Variants in GRM4 observed in about 807,000 individuals in gnomAD.
GRM4 encodes glutamate metabotropic receptor 4, also known as metabotropic glutamate receptor 4.
A neutral mutation model predicts 81.7 loss-of-function variants in GRM4; 28 were observed. The observed-to-expected ratio is 0.34, with a 90% CI of 0.25 to 0.47. GRM4 has a LOEUF of 0.47. GRM4 is among the 20% of genes least tolerant of loss of function. The probability of loss-of-function intolerance (pLI) is 1.00; values close to 1 mark genes in which losing one functional copy is unlikely to be tolerated. For missense variants in GRM4, 948 were observed against 1,290.0 expected (o/e 0.73, Z 4.06); for synonymous variants, 488 against 528.8 (o/e 0.92, Z 1.06).
chr6:34,049,031 GCAAA>G (rs1484092548), intron 6 of GRM4, among the ~76,000 whole-genome samples: 6 of 152,058 alleles, frequency 3.9e-5, no homozygotes, highest in African/African-American at 1.4e-4. Context: ...TCCGATTTAA[GCAAA>G]CAAACAAATC....
intron 9 of GRM4, among the ~76,000 whole-genome samples, chr6:34,033,295 C>G (rs3778052): frequency 2.0e-5 from 3 of 152,184 alleles, no homozygotes; most frequent in Admixed American, 1.3e-4. Context: ...CCCCACAGGG[C>G]CCCCATTGGA....
Position 34,114,624 on chromosome 6 carries a change from A to G in GRM4, c.519+18354T>C, listed in dbSNP as rs1343072399. Among the ~76,000 whole-genome samples the G allele has an allele frequency of 1.3e-5, 2 of 151,800 alleles. No homozygotes were observed. Among genetic ancestry groups the G allele is most frequent in the Admixed American group, 6.6e-5 (1 of 15,236 alleles). Reference sequence around the variant, plus strand: ...CCTGCATGCCACATCCCTGTCACAGACAAGCCCAAGGTCCCACCGGTGCCC... The same window carrying G: ...CCTGCATGCCACATCCCTGTCACAGGCAAGCCCAAGGTCCCACCGGTGCCC... On this transcript the variant is annotated intron_variant, in intron 2 of 10. Transcript: ENST00000538487. The surrounding 1 kb of genome is among the most constrained non-coding windows in gnomAD (Gnocchi z 4.3).
At chr6:34,142,830 G>A (rs1412987732) in intron 1 of GRM4, among the ~76,000 whole-genome samples, 1 of 152,230 alleles carries the variant, frequency 6.6e-6, no homozygotes, top group African/African-American at 2.4e-5. Context: ...GAGGAGGGGG[G>A]GAGGAGGAGC....
intron 1 of GRM4, among the ~76,000 whole-genome samples, chr6:34,140,280 G>A (rs62398122): frequency 0.024 from 3,702 of 152,222 alleles, 52 homozygotes; most frequent in African/African-American, 0.041. Flanking sequence ...CTTGATGTTC[G>A]AGAATGAGCA....
chr6:34,117,757 G>A (rs551033309), intron 2 of GRM4, among the ~76,000 whole-genome samples: 49 of 152,142 alleles, frequency 3.2e-4, no homozygotes, highest in African/African-American at 1.1e-3. Flanking sequence ...CATGATAACC[G>A]CTCCAATTAG....
chr6:34,069,761 T>C lies in GRM4; in HGVS notation c.737-7733A>G, dbSNP rs1766705026. Among the ~76,000 whole-genome samples, 2 of 151,624 alleles carry C rather than the reference T, an allele frequency of 1.3e-5. No homozygotes were observed. The highest frequency in any genetic ancestry group is 4.2e-4 in the South Asian group (2 of 4,794). On this transcript the variant is annotated intron_variant, in intron 3 of 10. Coordinates refer to ENST00000538487, the MANE Select transcript of GRM4 (RefSeq NM_000841.4). This position sits in a 1 kb window ranked among gnomAD's most constrained non-coding sequence, Gnocchi z 6.4. The stretch of plus-strand genomic sequence containing the variant: ...CAGTGAATTTGGATTTACTGCAACA[T>C]CCAGGACTGCCCCAGTCCCCACCAG...
chr6:34,037,776 T>C (rs913385778), intron 8 of GRM4, among the ~76,000 whole-genome samples: 3 of 146,826 alleles, frequency 2.0e-5, no homozygotes, highest in Non-Finnish European at 1.5e-5. Context: ...GGCAAGAGAA[T>C]GGCTTGAACC....
intron 10 of GRM4, among the ~76,000 whole-genome samples, chr6:34,023,302 A>T (rs1230006214): frequency 6.6e-6 from 1 of 152,204 alleles, no homozygotes; most frequent in Non-Finnish European, 1.5e-5. Flanking sequence ...ACATCATATA[A>T]CCTTAAAATA....
At position 34,074,868 on chromosome 6, in the gene GRM4, C is replaced by T. The variant is rs970569506; in HGVS notation, c.737-12840G>A. On this transcript the variant is annotated intron_variant, in intron 3 of 10. Coordinates refer to ENST00000538487, the MANE Select transcript of GRM4 (RefSeq NM_000841.4). The surrounding 1 kb of genome is among the most constrained non-coding windows in gnomAD (Gnocchi z 4.9). ...CTGGTTCCTGGCCCCCACCAAAAGCCCCCCAGAGGTCCCTACCCCAGGTCA... is the reference window on the plus strand; with the variant it reads ...CTGGTTCCTGGCCCCCACCAAAAGCTCCCCAGAGGTCCCTACCCCAGGTCA... Among the ~76,000 whole-genome samples the T allele has an allele frequency of 2.0e-5, 3 of 152,164 alleles. No individual in the cohort carries two copies. Among genetic ancestry groups the T allele is most frequent in the Admixed American group, 6.5e-5 (1 of 15,284 alleles).
Position 34,136,016 on chromosome 6 carries a change from T to TG in GRM4, c.-363-2158dup, listed in dbSNP as rs754600888. Among the ~76,000 whole-genome samples, 5 of 152,146 alleles carry TG rather than the reference T, an allele frequency of 3.3e-5. No individual in the cohort carries two copies. Among genetic ancestry groups the TG allele is most frequent in the Non-Finnish European group, 7.4e-5 (5 of 68,022 alleles). On this transcript the variant is annotated intron_variant, in intron 1 of 10. Coordinates refer to ENST00000538487, the MANE Select transcript of GRM4 (RefSeq NM_000841.4). The surrounding 1 kb of genome is among the most constrained non-coding windows in gnomAD (Gnocchi z 4.1). ...GGCAGAGATGCTAACTGGCCAGCTG[T>TG]GGGTGGGAGAGCCTGCACAGTTAAA... is the stretch of plus-strand genomic sequence containing the variant.
In GRM4 at chr6:34,070,613, C is replaced by G. The variant is rs1462171576; in HGVS notation, c.737-8585G>C. The stretch of plus-strand genomic sequence containing the variant: ...GGGTGGGGCTGCTGAGGCAGGAGGG[C>G]AGGAGCTCGGAGGACAGGGGCCTCA... On this transcript the variant is annotated intron_variant, in intron 3 of 10. Transcript: ENST00000538487. This position sits in a 1 kb window ranked among gnomAD's most constrained non-coding sequence, Gnocchi z 4.6. 6.6e-6 allele frequency among the ~76,000 whole-genome samples: 1 copy of G among 151,910 alleles called. No individual in the cohort carries two copies. The highest frequency in any genetic ancestry group is 1.5e-5 in the Non-Finnish European group (1 of 67,970).
intron 2 of GRM4, among the ~76,000 whole-genome samples, chr6:34,116,472 C>T (rs963527531): frequency 1.5e-4 from 23 of 152,148 alleles, no homozygotes; most frequent in African/African-American, 5.6e-4. Context: ...AGAGCTGACA[C>T]CCCAGTGACC....
At chr6:34,073,376 T>TACAC (rs563618392) in intron 3 of GRM4, among the ~76,000 whole-genome samples, 11,215 of 126,434 alleles carry the variant, frequency 0.089, 919 homozygotes, top group African/African-American at 0.22. Context: ...GATAACACCA[T>TACAC]ACACATCACT....
chr6:34,145,033 C>G (rs190889059), intron 1 of GRM4, among the ~76,000 whole-genome samples: 1,558 of 152,230 alleles, frequency 0.01, 26 homozygotes, highest in African/African-American at 0.034. Context: ...GCCCTCGCCC[C>G]AGGAGGCCGG....
At chr6:34,086,713 C>T (rs1767907439) in intron 3 of GRM4, among the ~76,000 whole-genome samples, 1 of 152,246 alleles carries the variant, frequency 6.6e-6, no homozygotes, top group Non-Finnish European at 1.5e-5. Context: ...CTGCCCCTGC[C>T]ACTTCCTAGC....
At chr6:34,076,638 ACG>A (rs1767327025) in intron 3 of GRM4, among the ~76,000 whole-genome samples, 1 of 151,898 alleles carries the variant, frequency 6.6e-6, no homozygotes, top group East Asian at 1.9e-4. Flanking sequence ...CAAAGTGAGC[ACG>A]GCAGCAGGGA....
At chr6:34,067,335 T>C (rs77618528) in intron 3 of GRM4, among the ~76,000 whole-genome samples, 4,616 of 151,898 alleles carry the variant, frequency 0.03, 162 homozygotes, top group African/African-American at 0.086. Context: ...ATGTCCTTTC[T>C]TCCTTTCTTC....
At chr6:34,129,078 G>A (rs1312405424) in intron 2 of GRM4, among the ~76,000 whole-genome samples, 3 of 151,536 alleles carry the variant, frequency 2.0e-5, no homozygotes, top group Non-Finnish European at 4.4e-5. Flanking sequence ...GCAGTGGTGC[G>A]ATCTCGGCTC....
chr6:34,059,282 T>A lies in GRM4; in HGVS notation c.873-154A>T, dbSNP rs992043714. 27 of 691,478 alleles carry A rather than the reference T, an allele frequency of 3.9e-5. No individual in the cohort carries two copies. Among genetic ancestry groups the A allele is most frequent in the Non-Finnish European group, 6.0e-5 (24 of 402,940 alleles). 42.8% of individuals were successfully genotyped at this position (691,478 alleles called of 1,614,324 possible). On this transcript the variant is annotated intron_variant, in intron 4 of 10. Coordinates refer to ENST00000538487, the MANE Select transcript of GRM4 (RefSeq NM_000841.4). The surrounding 1 kb of genome is among the most constrained non-coding windows in gnomAD (Gnocchi z 5.7). ...CGATGCTTTCACCCCAAGCCATGGA[T>A]TCCCCCTACCCGCTGCCCTCACCTG...
Sources: gnomAD v4.1 joint callset for allele counts (sites outside exome capture counted in the v4.1 genomes callset) on GRCh38, gnomAD v4.1.1 for gene constraint, Gnocchi (gnomAD v3.1) non-coding constraint, MANE v1.5 for transcripts, NCBI Gene and HGNC (gene_info 2026-07-23, HGNC 2026-07-21) for gene names.